The following SNAP47 variants were observed in gnomAD, a reference collection of about 807,000 sequenced individuals.
The protein encoded by SNAP47 is synaptosomal-associated protein 47.
Under a neutral mutation model 31.4 loss-of-function variants are expected in SNAP47, and 20 were observed. The ratio of observed to expected loss-of-function variants is 0.64; its 90% CI spans 0.45 to 0.93. The LOEUF is 0.93. Ranked by LOEUF, SNAP47 falls within the 40% of genes least tolerant of loss-of-function variation. The probability of loss-of-function intolerance (pLI) is 0.00; values close to 1 mark genes in which losing one functional copy is unlikely to be tolerated. For missense variants in SNAP47, 492 were observed against 528.5 expected (o/e 0.93, Z 0.68); for synonymous variants, 194 against 213.4 (o/e 0.91, Z 0.79).
At chr1:227,775,400 CGGCCAG>C in intron 4 of SNAP47, among the ~76,000 whole-genome samples, 1 of 152,290 alleles carries the variant, frequency 6.6e-6, no homozygotes, top group East Asian at 1.9e-4. Flanking sequence ...CTTAATGACA[CGGCCAG>C]GGCAGCCCAG....
chr1:227,766,863 A>G (rs1572038094), intron 3 of SNAP47, 96 bp from the exon 4 acceptor site: 1 of 1,535,520 alleles, frequency 6.5e-7, no homozygotes, highest in South Asian at 1.2e-5. Flanking sequence ...TGGCGGGAGG[A>G]ACACCGCCTC....
chr1:227,734,536 C>A, upstream of SNAP47: 1 of 939,062 alleles, frequency 1.1e-6, no homozygotes, highest in South Asian at 1.6e-5. Flanking sequence ...ATTAAAGTGC[C>A]TCACGGGGAA....
At chr1:227,776,502 G>A in intron 4 of SNAP47, 3 of 985,608 alleles carry the variant, frequency 3.0e-6, no homozygotes, top group Non-Finnish European at 3.6e-6. Context: ...CCTGTGTGAG[G>A]CCACTGGCTG....
At chr1:227,735,083 C>T (rs779534949), upstream of SNAP47, 7 of 1,571,866 alleles carry the variant, frequency 4.5e-6, no homozygotes, top group South Asian at 8.1e-5. Flanking sequence ...GCTGCCCCAG[C>T]CCTGCGTGAA....
chr1:227,757,237 A>G (rs920480967), intron 2 of SNAP47, among the ~76,000 whole-genome samples: 9 of 152,234 alleles, frequency 5.9e-5, no homozygotes, highest in Admixed American at 1.3e-4. Flanking sequence ...GAGCTTCACT[A>G]TAGGGCTAGG....
Position 227,748,228 on chromosome 1 carries a change from G to A in SNAP47, c.492G>A (p.Ala164=), listed in dbSNP as rs370128756. 130 of 1,576,870 alleles carry A rather than the reference G, an allele frequency of 8.2e-5. No homozygotes were observed. The African/African-American group carries it at 1.4e-3, about 17-fold the overall frequency. Residue 164 remains alanine (A), a synonymous_variant, in exon 2 of 5, where the codon GCG becomes GCA. Transcript: ENST00000617596. ...AGATGGAGTCAGACCTGGAGGTGGC[G>A]GACAGGTGGGCTTGCTGTGTACACT... ...LDKMESDLEV[A]DRLLTELESP...
chr1:227,758,800 G>GCC (rs3030835), intron 2 of SNAP47, among the ~76,000 whole-genome samples, 195 bp from the exon 3 acceptor site: 103,002 of 151,804 alleles, frequency 0.68, 36,521 homozygotes, highest in African/African-American at 0.9. Flanking sequence ...TGTTCTCACT[G>GCC]CTGGCCCCCA....
intron 1 of SNAP47, among the ~76,000 whole-genome samples, chr1:227,729,678 T>C (rs1056392127): frequency 6.6e-6 from 1 of 152,164 alleles, no homozygotes; most frequent in Admixed American, 6.5e-5. Flanking sequence ...GGGAGGCACC[T>C]TCTCCGGAGG....
rs965587147 is a variant in SNAP47, at chr1:227,781,033, T to G, written c.*360T>G. 6 of 224,034 alleles carry G rather than the reference T, an allele frequency of 2.7e-5. No homozygotes were observed. Among genetic ancestry groups the G allele is most frequent in the Non-Finnish European group, 3.5e-5 (4 of 113,892 alleles). 13.9% of individuals were successfully genotyped at this position (224,034 alleles called of 1,614,324 possible). ...GGCCTTCTTAGCTGTACTATAAATT[T>G]GTGAGTGAAGTTAGAGCCCAGCTCA... On this transcript the variant is annotated 3_prime_UTR_variant, in exon 5 of 5. Transcript: ENST00000617596.
intron 3 of SNAP47, among the ~76,000 whole-genome samples, chr1:227,760,799 G>A (rs1357794155): frequency 2.0e-5 from 3 of 152,194 alleles, no homozygotes; most frequent in Admixed American, 1.3e-4. Context: ...AGATGTGCAC[G>A]ACTTTCCTAC....
intron 2 of SNAP47, among the ~76,000 whole-genome samples, chr1:227,754,802 C>G (rs1203928996): frequency 6.6e-6 from 1 of 152,106 alleles, no homozygotes; most frequent in Non-Finnish European, 1.5e-5. Context: ...AAAACCAGGA[C>G]CTGTGAGAGG....
At chr1:227,732,560 C>A, upstream of SNAP47, 2 of 1,613,522 alleles carry the variant, frequency 1.2e-6, no homozygotes, top group Non-Finnish European at 1.7e-6. Flanking sequence ...CGAAACCCAA[C>A]CCAGCACCGT....
intron 4 of SNAP47, among the ~76,000 whole-genome samples, chr1:227,769,490 T>C (rs1446233586): frequency 2.0e-5 from 3 of 152,068 alleles, no homozygotes; most frequent in Non-Finnish European, 4.4e-5. Flanking sequence ...GTGAGTTACA[T>C]TTCTGGGGAA....
chr1:227,755,105 T>A (rs1662612914), intron 2 of SNAP47, among the ~76,000 whole-genome samples: 1 of 152,190 alleles, frequency 6.6e-6, no homozygotes, highest in Non-Finnish European at 1.5e-5. Flanking sequence ...TTGCCATCTG[T>A]CATCTCTAAG....
rs759356130 is a variant in SNAP47, at chr1:227,748,010, A to G, written c.274A>G (p.Ser92Gly). The G allele has an allele frequency of 8.1e-6, 13 of 1,614,098 alleles. No homozygotes were observed. The highest frequency in any genetic ancestry group is 5.0e-5 in the Admixed American group (3 of 60,002). The part of the protein sequence containing the change: ...SLRPSRNVVF[S>G]IIEHFWRELL... ...GCGGCCAAGTCGAAATGTGGTCTTC[A>G]GCATCATCGAGCATTTCTGGAGGGA... The change falls in exon 2 of 5, where the codon AGC (serine) becomes GGC (glycine). Residue 92 changes from serine (S) to glycine (G), a missense_variant. By Grantham distance (56) the Ser-to-Gly change is moderately conservative (BLOSUM62 0). Coordinates refer to ENST00000617596, the MANE Select transcript of SNAP47 (RefSeq NM_053052.4).
At position 227,780,931 on chromosome 1, in the gene SNAP47, G is replaced by C; in HGVS notation, c.*258G>C. 2.0e-6 allele frequency: 1 copy of C among 512,538 alleles called. No individual in the cohort carries two copies. The highest frequency in any genetic ancestry group is 3.5e-6 in the Non-Finnish European group (1 of 286,928). 31.7% of individuals were successfully genotyped at this position (512,538 alleles called of 1,614,324 possible). A position where few individuals can be genotyped will look rare whatever the true frequency, so the allele number is the denominator to read the frequency against. ...ATGCTGCAGAAGTGTGGACCATGGCGGGACCCCAAGGACACTTGGCACAGG... is the reference window on the plus strand; with the variant it reads ...ATGCTGCAGAAGTGTGGACCATGGCCGGACCCCAAGGACACTTGGCACAGG... On this transcript the variant is annotated 3_prime_UTR_variant, in exon 5 of 5. Transcript: ENST00000617596.
At chr1:227,775,730 C>T (rs1664119602) in intron 4 of SNAP47, 2 of 1,290,204 alleles carry the variant, frequency 1.6e-6, no homozygotes, top group Admixed American at 2.4e-5. Flanking sequence ...TTATTTTTTG[C>T]CTTTATAAAC....
At position 227,759,637 on chromosome 1, in the gene SNAP47, AAAC is replaced by A. The variant is rs1224041059; in HGVS notation, c.988+155_988+157del. 40 of 962,378 alleles carry A rather than the reference AAAC, an allele frequency of 4.2e-5. No individual in the cohort carries two copies. The East Asian group carries it at 9.7e-4, about 23-fold the overall frequency. 59.6% of individuals were successfully genotyped at this position (962,378 alleles called of 1,614,324 possible). ...AGACAGCTCGTTTGTTTATACATAA[AAAC>A]AATTCCAGACCATTTTCCTTGTACT... On this transcript the variant is annotated intron_variant, in intron 3 of 4. Transcript: ENST00000617596.
intron 4 of SNAP47, among the ~76,000 whole-genome samples, chr1:227,777,910 C>A (rs1201250963): frequency 6.6e-6 from 1 of 152,186 alleles, no homozygotes; most frequent in Non-Finnish European, 1.5e-5. Context: ...ATGAGTGTAT[C>A]CTCAGGACCG....
Sources: gnomAD v4.1 joint callset for allele counts (sites outside exome capture counted in the v4.1 genomes callset) on GRCh38, gnomAD v4.1.1 for gene constraint, MANE v1.5 for transcripts, NCBI Gene and HGNC (gene_info 2026-07-23, HGNC 2026-07-21) for gene names.